SORCS2: variants seen among roughly 807,000 people sequenced by gnomAD.
SORCS2 encodes the protein VPS10 domain-containing receptor SorCS2.
In SORCS2, 100 loss-of-function variants were observed where a neutral mutation model predicts 141.6. The ratio of observed to expected loss-of-function variants is 0.71; its 90% CI spans 0.60 to 0.83. SORCS2 has a LOEUF of 0.83. Ranked by LOEUF, SORCS2 falls within the 40% of genes least tolerant of loss-of-function variation. The pLI is 0.00. For missense variants in SORCS2, 1,646 were observed against 1,560.2 expected, an observed-to-expected ratio of 1.05 and a Z score of -0.93; for synonymous variants, 789 against 676.9, an observed-to-expected ratio of 1.17 and a Z score of -2.57.
At chr4:7,428,073 C>T (rs1384319752) in intron 2 of SORCS2, among the ~76,000 whole-genome samples, 3 of 152,310 alleles carry the variant, frequency 2.0e-5, no homozygotes, top group South Asian at 2.1e-4. Flanking sequence ...TCCATCCAGC[C>T]GTCATCTGTG....
At chr4:7,360,881 A>T (rs1250057991) in intron 1 of SORCS2, among the ~76,000 whole-genome samples, 1 of 151,234 alleles carries the variant, frequency 6.6e-6, no homozygotes, top group Non-Finnish European at 1.5e-5. Context: ...CGGCCCGCCC[A>T]GTCCCTTCTT....
intron 1 of SORCS2, among the ~76,000 whole-genome samples, chr4:7,326,882 C>T (rs3900741): frequency 0.25 from 38,227 of 152,208 alleles, 5,718 homozygotes; most frequent in East Asian, 0.41. Flanking sequence ...AAGGCCAGCA[C>T]GCCCTTGCTG....
In SORCS2 at chr4:7,192,878, C is replaced by T; in HGVS notation, c.232C>T (p.Pro78Ser). The T allele has an allele frequency of 9.1e-7, 1 of 1,097,062 alleles. No individual in the cohort carries two copies. Among genetic ancestry groups the T allele is most frequent in the Non-Finnish European group, 1.1e-6 (1 of 903,778 alleles). 68.0% of individuals were successfully genotyped at this position (1,097,062 alleles called of 1,614,324 possible). ...GAGCCCTCCCGCGGGGCGCGCGGAGCCCGGTGGCGGCGAGGACCGGCAGGC... is the reference window on the plus strand; with the variant it reads ...GAGCCCTCCCGCGGGGCGCGCGGAGTCCGGTGGCGGCGAGGACCGGCAGGC... ...PRSPPAGRAE[P>S]GGGEDRQARG... The change falls in exon 1 of 27, where the codon CCC becomes TCC. Residue 78 changes from proline to serine, a missense_variant. Coordinates refer to ENST00000507866, the MANE Select transcript of SORCS2 (RefSeq NM_020777.3). This position sits in a 1 kb window ranked among gnomAD's most constrained non-coding sequence, Gnocchi z 4.0.
chr4:7,652,821 G>A (rs781339202), intron 4 of SORCS2, among the ~76,000 whole-genome samples: 9 of 152,206 alleles, frequency 5.9e-5, no homozygotes, highest in Non-Finnish European at 1.2e-4. Flanking sequence ...TCCGGCCTTG[G>A]TTGGTGGTTT....
At chr4:7,262,232 A>T (rs1441471601) in intron 1 of SORCS2, among the ~76,000 whole-genome samples, 5 of 131,218 alleles carry the variant, frequency 3.8e-5, no homozygotes, top group African/African-American at 1.4e-4. Flanking sequence ...CCACCAACAC[A>T]TCCATCGATT....
chr4:7,205,884 A>T (rs1806484), intron 1 of SORCS2, among the ~76,000 whole-genome samples: 24,686 of 151,998 alleles, frequency 0.16, 2,688 homozygotes, highest in African/African-American at 0.3. Context: ...TCTCTACTAA[A>T]AATACAAAGA....
At chr4:7,198,090 A>G (rs763110638) in intron 1 of SORCS2, among the ~76,000 whole-genome samples, 5 of 152,164 alleles carry the variant, frequency 3.3e-5, no homozygotes, top group Non-Finnish European at 5.9e-5. Context: ...AGACATCTGG[A>G]CAGAGGCTCA....
intron 1 of SORCS2, among the ~76,000 whole-genome samples, chr4:7,347,569 A>T (rs1403342276): frequency 6.6e-6 from 1 of 152,152 alleles, no homozygotes; most frequent in Non-Finnish European, 1.5e-5. Flanking sequence ...ATCACACAGC[A>T]CTTACGTGGT....
At chr4:7,304,525 C>T (rs753012077) in intron 1 of SORCS2, among the ~76,000 whole-genome samples, 4 of 152,216 alleles carry the variant, frequency 2.6e-5, no homozygotes, top group Non-Finnish European at 5.9e-5. Flanking sequence ...GTGCATTGAG[C>T]CTGGGCTCCC....
intron 2 of SORCS2, among the ~76,000 whole-genome samples, chr4:7,409,802 C>G (rs938465253): frequency 6.6e-6 from 1 of 152,164 alleles, no homozygotes; most frequent in African/African-American, 2.4e-5. Flanking sequence ...CATTTGCATT[C>G]TGAAATATTG....
In SORCS2 at chr4:7,296,726, C is replaced by T. The variant is rs555010293; in HGVS notation, c.481-99562C>T. Among the ~76,000 whole-genome samples, 12 of 152,298 alleles carry T rather than the reference C, an allele frequency of 7.9e-5. 1 individual carries two copies. Among genetic ancestry groups the T allele is most frequent in the South Asian group, 2.1e-4 (1 of 4,822 alleles). On this transcript the variant is annotated intron_variant, in intron 1 of 26. Coordinates refer to ENST00000507866, the MANE Select transcript of SORCS2 (RefSeq NM_020777.3). ...GTGAACAAGTTAATATTCACTAACACGGGGCCAGCACCGGGCCTGTTCTTT... is the reference window on the plus strand; with the variant it reads ...GTGAACAAGTTAATATTCACTAACATGGGGCCAGCACCGGGCCTGTTCTTT...
chr4:7,336,096 C>T (rs1178353194), intron 1 of SORCS2, among the ~76,000 whole-genome samples: 1 of 152,204 alleles, frequency 6.6e-6, no homozygotes, highest in Non-Finnish European at 1.5e-5. Flanking sequence ...GTGACAATTG[C>T]CAGCTTCCGC....
chr4:7,599,354 G>A (rs543493871), intron 3 of SORCS2, among the ~76,000 whole-genome samples: 6 of 152,170 alleles, frequency 3.9e-5, no homozygotes, highest in South Asian at 2.1e-4. Context: ...CACTTGGCAC[G>A]GGTGCTTCTC....
chr4:7,719,316 C>T (rs561233939), intron 18 of SORCS2, among the ~76,000 whole-genome samples: 69 of 152,382 alleles, frequency 4.5e-4, no homozygotes, highest in African/African-American at 1.6e-3. Flanking sequence ...TGCCCAGCGC[C>T]TCCGTGGCGG....
intron 2 of SORCS2, 111 bp downstream of exon 2, chr4:7,396,466 C>A (rs1365163773): frequency 3.6e-6 from 4 of 1,117,376 alleles, no homozygotes; most frequent in Non-Finnish European, 5.2e-6. Context: ...CCCTGTGAGT[C>A]AGTGGCCTCG....
chr4:7,283,748 G>A (rs1240063541), intron 1 of SORCS2, among the ~76,000 whole-genome samples: 1 of 152,082 alleles, frequency 6.6e-6, no homozygotes, highest in Non-Finnish European at 1.5e-5. Context: ...GGCCCAAGCA[G>A]GAGTTGGGAG....
intron 12 of SORCS2, among the ~76,000 whole-genome samples, chr4:7,698,770 G>T (rs1356007725): frequency 1.3e-5 from 2 of 152,244 alleles, no homozygotes; most frequent in Non-Finnish European, 2.9e-5. Context: ...GAAGGAGAGG[G>T]GCTTGCCTGG....
intron 1 of SORCS2, among the ~76,000 whole-genome samples, chr4:7,390,671 C>T (rs1001509926): frequency 6.6e-6 from 1 of 152,148 alleles, no homozygotes; most frequent in South Asian, 2.1e-4. Context: ...GAGGAGGCAC[C>T]GTGAACTTCC....
At chr4:7,350,432 G>T (rs747078917) in intron 1 of SORCS2, among the ~76,000 whole-genome samples, 12 of 152,242 alleles carry the variant, frequency 7.9e-5, no homozygotes, top group Non-Finnish European at 1.3e-4. Flanking sequence ...TCTAGGGAGG[G>T]CCTCGGGTGC....
Sources: gnomAD v4.1 joint callset for allele counts (sites outside exome capture counted in the v4.1 genomes callset) on GRCh38, gnomAD v4.1.1 for gene constraint, Gnocchi (gnomAD v3.1) non-coding constraint, MANE v1.5 for transcripts, NCBI Gene and HGNC (gene_info 2026-07-23, HGNC 2026-07-21) for gene names.